CAB39L: variants seen among roughly 807,000 people sequenced by gnomAD.
CAB39L encodes the protein calcium binding protein 39 like, also known as calcium-binding protein 39-like.
In CAB39L, 23 loss-of-function variants were observed where a neutral mutation model predicts 39.1. That is an observed-to-expected ratio of 0.59 (90% CI 0.42 to 0.83). The LOEUF is 0.83. Ranked by LOEUF, CAB39L falls within the 40% of genes least tolerant of loss-of-function variation. The pLI, the probability that CAB39L is intolerant of heterozygous loss-of-function variation, is 0.00. For missense variants in CAB39L, 366 were observed against 391.9 expected (o/e 0.93, Z 0.56); for synonymous variants, 126 against 137.2 (o/e 0.92, Z 0.57).
chr13:49,426,870 G>A (rs1957253347), intron 3 of CAB39L, among the ~76,000 whole-genome samples: 1 of 152,104 alleles, frequency 6.6e-6, no homozygotes, highest in African/African-American at 2.4e-5. Flanking sequence ...GTTTTTTGCT[G>A]CAGGAGTCTG....
At chr13:49,341,652 G>C (rs1400313840) in intron 8 of CAB39L, among the ~76,000 whole-genome samples, 2 of 152,124 alleles carry the variant, frequency 1.3e-5, no homozygotes, top group Non-Finnish European at 2.9e-5. Context: ...GAAGAAATAA[G>C]TTCTAGTATT....
intron 3 of CAB39L, among the ~76,000 whole-genome samples, chr13:49,431,368 A>C (rs1957320999): frequency 6.6e-6 from 1 of 152,152 alleles, no homozygotes. Context: ...TTATTCAATT[A>C]CCTGTTAATA....
chr13:49,383,534 A>G (rs9316444), intron 3 of CAB39L, among the ~76,000 whole-genome samples: 34,304 of 152,140 alleles, frequency 0.23, 4,275 homozygotes, highest in Middle Eastern at 0.32. Context: ...AGAATTTTAA[A>G]AAGAAGCCAA....
intron 5 of CAB39L, among the ~76,000 whole-genome samples, chr13:49,368,522 T>C (rs1955830340): frequency 6.6e-6 from 1 of 152,110 alleles, no homozygotes; most frequent in African/African-American, 2.4e-5. Context: ...TCTCAAGCCC[T>C]GGACTCAGAA....
chr13:49,410,777 T>C (rs764658198), intron 3 of CAB39L, among the ~76,000 whole-genome samples: 2 of 152,170 alleles, frequency 1.3e-5, no homozygotes, highest in Non-Finnish European at 2.9e-5. Flanking sequence ...ATTTGCAATA[T>C]AACATATTCA....
At chr13:49,385,494 T>C (rs1383064781) in intron 3 of CAB39L, among the ~76,000 whole-genome samples, 2 of 152,254 alleles carry the variant, frequency 1.3e-5, no homozygotes, top group African/African-American at 2.4e-5. Flanking sequence ...GAACTTTTCC[T>C]TTGCATCCAC....
intron 3 of CAB39L, chr13:49,413,056 GA>G (rs907277350): frequency 2.6e-5 from 4 of 152,164 alleles, no homozygotes; most frequent in Admixed American, 2.6e-4. Flanking sequence ...GAATTCAAAA[GA>G]GGTCTGTGAT....
At chr13:49,421,015 A>G (rs556453762) in intron 3 of CAB39L, among the ~76,000 whole-genome samples, 4 of 152,348 alleles carry the variant, frequency 2.6e-5, no homozygotes, top group African/African-American at 9.6e-5. Context: ...TTATATTTCA[A>G]CTAAAACCAA....
At chr13:49,422,080 A>C (rs1037077949) in intron 3 of CAB39L, among the ~76,000 whole-genome samples, 1 of 152,190 alleles carries the variant, frequency 6.6e-6, no homozygotes, top group Admixed American at 6.5e-5. Flanking sequence ...AAAAGATGTC[A>C]ACACTGAGAT....
chr13:49,404,174 C>T lies in CAB39L; in HGVS notation c.-31-21233G>A, dbSNP rs58700527. ...GCACCATCCCTCCCCGAACTGTAGGCAGCTCAGCAAGGAGAGACAGAGAAA... is the reference window on the plus strand; with the variant it reads ...GCACCATCCCTCCCCGAACTGTAGGTAGCTCAGCAAGGAGAGACAGAGAAA... On this transcript the variant is annotated intron_variant, in intron 3 of 10. Transcript: ENST00000409308. Among the ~76,000 whole-genome samples, 535 of 152,246 alleles carry T rather than the reference C, an allele frequency of 3.5e-3. 5 individuals carry two copies. The highest frequency in any genetic ancestry group is 0.012 in the African/African-American group (509 of 41,554).
chr13:49,423,489 G>A (rs1055660006), intron 3 of CAB39L, among the ~76,000 whole-genome samples: 3 of 152,128 alleles, frequency 2.0e-5, no homozygotes, highest in Non-Finnish European at 4.4e-5. Flanking sequence ...AGGCCAAGGT[G>A]GGAGGATCAC....
At chr13:49,344,393 A>C (rs1454391042) in intron 7 of CAB39L, among the ~76,000 whole-genome samples, 155 bp from the exon 8 acceptor site, 1 of 152,238 alleles carries the variant, frequency 6.6e-6, no homozygotes. Flanking sequence ...CTAAGATGTG[A>C]AATACAAGTT....
chr13:49,337,006 A>G (rs1235558713), intron 9 of CAB39L, among the ~76,000 whole-genome samples: 1 of 152,212 alleles, frequency 6.6e-6, no homozygotes, highest in Non-Finnish European at 1.5e-5. Context: ...AACTCAATAA[A>G]AAGTGCTGGA....
chr13:49,392,981 T>C (rs375376845), intron 3 of CAB39L: 17 of 152,124 alleles, frequency 1.1e-4, no homozygotes, highest in African/African-American at 4.1e-4. Flanking sequence ...TAGCTCAATT[T>C]ACAAAAAAAT....
intron 10 of CAB39L, among the ~76,000 whole-genome samples, chr13:49,328,354 A>G (rs113296020): frequency 1.1e-4 from 17 of 152,256 alleles, no homozygotes; most frequent in African/African-American, 4.1e-4. Flanking sequence ...TAAGAAGAAC[A>G]CCTATTTATT....
chr13:49,443,028 T>C (rs1402888017), intron 1 of CAB39L, among the ~76,000 whole-genome samples: 1 of 141,300 alleles, frequency 7.1e-6, no homozygotes, highest in Admixed American at 7.3e-5. Context: ...GGTCTTCAGA[T>C]CCAATACATT....
intron 6 of CAB39L, among the ~76,000 whole-genome samples, chr13:49,358,404 T>C (rs775875765): frequency 1.3e-4 from 20 of 152,228 alleles, no homozygotes; most frequent in Non-Finnish European, 2.8e-4. Context: ...GACTATCATC[T>C]AGTTTATCTT....
intron 6 of CAB39L, among the ~76,000 whole-genome samples, chr13:49,354,566 C>A (rs1209876046): frequency 1.3e-5 from 2 of 152,224 alleles, no homozygotes; most frequent in African/African-American, 4.8e-5. Flanking sequence ...TGGCAAGGAT[C>A]CTGCCTAATT....
At chr13:49,320,621 C>T (rs780824662) in intron 10 of CAB39L, among the ~76,000 whole-genome samples, 2 of 152,126 alleles carry the variant, frequency 1.3e-5, no homozygotes, top group African/African-American at 2.4e-5. Context: ...TAGTCTTCTG[C>T]GTTGCTGACC....
Sources: gnomAD v4.1 joint callset for allele counts (sites outside exome capture counted in the v4.1 genomes callset) on GRCh38, gnomAD v4.1.1 for gene constraint, MANE v1.5 for transcripts, NCBI Gene and HGNC (gene_info 2026-07-23, HGNC 2026-07-21) for gene names.